SLC35F3: variants seen among roughly 807,000 people sequenced by gnomAD.
SLC35F3 encodes putative thiamine transporter SLC35F3.
In SLC35F3, 25 loss-of-function variants were observed where a neutral mutation model predicts 49.9. The observed-to-expected ratio is 0.50, with a 90% CI of 0.37 to 0.70. The LOEUF (loss-of-function observed/expected upper bound fraction) is 0.70, where lower values mean the gene tolerates loss of function less well. Ranked by LOEUF, SLC35F3 falls within the 30% of genes least tolerant of loss-of-function variation. The pLI is 0.00. For missense variants in SLC35F3, 525 were observed against 639.8 expected (o/e 0.82, Z 1.94); for synonymous variants, 275 against 265.4 (o/e 1.04, Z -0.35).
intron 1 of SLC35F3, 95 bp downstream of exon 1, chr1:233,905,225 G>A (rs1408045372): frequency 2.2e-6 from 3 of 1,388,752 alleles, no homozygotes; most frequent in African/African-American, 1.4e-5. Flanking sequence ...GGCAGTCTGA[G>A]GCTCGGGGAA....
intron 2 of SLC35F3, among the ~76,000 whole-genome samples, chr1:233,953,538 G>A (rs555365782): frequency 1.3e-5 from 2 of 152,294 alleles, no homozygotes; most frequent in Admixed American, 6.5e-5. Flanking sequence ...CCCAGAGGAC[G>A]GTGATCTTTG....
chr1:233,926,717 C>G (rs1233904930), intron 2 of SLC35F3, among the ~76,000 whole-genome samples: 2 of 152,178 alleles, frequency 1.3e-5, no homozygotes, highest in African/African-American at 4.8e-5. Context: ...AAGAGGTGCT[C>G]TGATTTTTAG....
intron 2 of SLC35F3, among the ~76,000 whole-genome samples, chr1:233,991,210 G>A (rs982312685): frequency 6.6e-6 from 1 of 152,166 alleles, no homozygotes; most frequent in African/African-American, 2.4e-5. Context: ...GAGCAGAAGG[G>A]AGTGAAGACA....
intron 2 of SLC35F3, among the ~76,000 whole-genome samples, chr1:234,229,335 AT>A (rs10711310): frequency 0.25 from 38,377 of 152,072 alleles, 10,029 homozygotes; most frequent in African/African-American, 0.67. Context: ...AAGTGTCTTA[AT>A]TTTTTTTGTA....
intron 3 of SLC35F3, among the ~76,000 whole-genome samples, chr1:234,249,035 C>T (rs544739572): frequency 6.6e-6 from 1 of 152,124 alleles, no homozygotes; most frequent in Non-Finnish European, 1.5e-5. Context: ...GGAATGCACC[C>T]CAGGAAGCAA....
chr1:234,257,500 A>G (rs773158237), intron 3 of SLC35F3, among the ~76,000 whole-genome samples: 23 of 152,242 alleles, frequency 1.5e-4, no homozygotes, highest in Non-Finnish European at 3.2e-4. Flanking sequence ...GTATTTGCAC[A>G]CAGCAAAAGA....
intron 2 of SLC35F3, among the ~76,000 whole-genome samples, chr1:233,994,263 C>T (rs1663421424): frequency 6.6e-6 from 1 of 152,094 alleles, no homozygotes; most frequent in South Asian, 2.1e-4. Context: ...ATCTTTGAAA[C>T]TTTATAAGAA....
At chr1:234,192,036 G>A (rs1666739764) in intron 2 of SLC35F3, among the ~76,000 whole-genome samples, 1 of 151,836 alleles carries the variant, frequency 6.6e-6, no homozygotes, top group Admixed American at 6.6e-5. Context: ...ATTCAAAGAA[G>A]AATTGGTACC....
chr1:234,084,870 T>A (rs1664938374), intron 2 of SLC35F3, among the ~76,000 whole-genome samples: 1 of 152,196 alleles, frequency 6.6e-6, no homozygotes, highest in African/African-American at 2.4e-5. Flanking sequence ...TTGGGATTCT[T>A]CACTATTAGA....
rs1001883165 is a variant in SLC35F3, at chr1:234,324,021, A to C, written c.*778A>C. ...GTAAAAATCTTTAGAAACAAATAAA[A>C]CTCTCTATATATGTGTATGTCTGTG... On this transcript the variant is annotated 3_prime_UTR_variant, in exon 8 of 8. Transcript: ENST00000366618. The C allele has an allele frequency of 6.6e-6, 1 of 152,160 alleles. No homozygotes were observed. Among genetic ancestry groups the C allele is most frequent in the East Asian group, 1.9e-4 (1 of 5,184 alleles). The allele number at this position is 152,160 out of a possible 1,614,324, so 9.4% of individuals were successfully genotyped here.
chr1:234,207,945 G>A (rs955445959), intron 2 of SLC35F3, among the ~76,000 whole-genome samples: 1 of 152,188 alleles, frequency 6.6e-6, no homozygotes, highest in African/African-American at 2.4e-5. Flanking sequence ...GGAGTTCAAG[G>A]CTGCAGTGAG....
intron 3 of SLC35F3, among the ~76,000 whole-genome samples, chr1:234,288,319 T>C (rs755206941): frequency 1.3e-5 from 2 of 152,204 alleles, no homozygotes; most frequent in Non-Finnish European, 2.9e-5. Context: ...TTCACAGCAT[T>C]AGGAAATTGA....
chr1:234,273,787 T>C (rs558856897), intron 3 of SLC35F3, among the ~76,000 whole-genome samples: 13 of 152,080 alleles, frequency 8.5e-5, no homozygotes, highest in Non-Finnish European at 1.9e-4. Flanking sequence ...ATTTTTAGGA[T>C]ACTTGAGGGC....
chr1:234,219,087 T>C (rs1404804269), intron 2 of SLC35F3, among the ~76,000 whole-genome samples: 1 of 138,424 alleles, frequency 7.2e-6, no homozygotes, highest in Non-Finnish European at 1.5e-5. Context: ...GCTCCCACTG[T>C]AATATAACTA....
chr1:233,930,007 G>A (rs939400532), intron 2 of SLC35F3, among the ~76,000 whole-genome samples: 2 of 152,104 alleles, frequency 1.3e-5, no homozygotes, highest in African/African-American at 4.8e-5. Flanking sequence ...TTAAGAGCTA[G>A]GTGCAGTGGT....
At chr1:234,055,155 C>T (rs1664437357) in intron 2 of SLC35F3, among the ~76,000 whole-genome samples, 1 of 152,136 alleles carries the variant, frequency 6.6e-6, no homozygotes, top group Admixed American at 6.5e-5. Flanking sequence ...GGGAGATCCA[C>T]TACTCTCTTC....
intron 2 of SLC35F3, among the ~76,000 whole-genome samples, chr1:233,980,464 C>A (rs1486222430): frequency 1.3e-5 from 2 of 152,202 alleles, no homozygotes; most frequent in African/African-American, 4.8e-5. Flanking sequence ...GTCTCCCCAG[C>A]CCACATCCCT....
intron 2 of SLC35F3, among the ~76,000 whole-genome samples, chr1:233,944,429 A>G (rs1219362218): frequency 1.3e-5 from 2 of 152,168 alleles, no homozygotes; most frequent in Non-Finnish European, 2.9e-5. Context: ...TTGTATATGC[A>G]TACAATTCTC....
intron 2 of SLC35F3, among the ~76,000 whole-genome samples, chr1:234,185,855 A>T (rs1348777893): frequency 6.6e-6 from 1 of 152,212 alleles, no homozygotes; most frequent in East Asian, 1.9e-4. Flanking sequence ...TTATCCCTGT[A>T]TGAAGAAGAG....
Sources: allele counts gnomAD v4.1 joint callset (sites outside exome capture counted in the v4.1 genomes callset), GRCh38; gene constraint gnomAD v4.1.1; transcripts MANE v1.5; gene names NCBI Gene and HGNC (gene_info 2026-07-23, HGNC 2026-07-21).